Variants in NTM observed in about 807,000 individuals in gnomAD.
NTM encodes the protein IgLON family member 2.
In NTM, 13 loss-of-function variants were observed where a neutral mutation model predicts 42.1. The ratio of observed to expected loss-of-function variants is 0.31; its 90% CI spans 0.20 to 0.49. The LOEUF (loss-of-function observed/expected upper bound fraction) is 0.49. NTM is among the 20% of genes least tolerant of loss of function. NTM has a pLI of 0.99. For synonymous variants in NTM, 187 were observed against 179.2 expected (o/e 1.04, Z -0.35); for missense variants, 373 against 452.8 (o/e 0.82, Z 1.60).
intron 1 of NTM, among the ~76,000 whole-genome samples, chr11:131,532,049 G>A (rs554112878): frequency 3.3e-5 from 5 of 152,232 alleles, no homozygotes; most frequent in Admixed American, 1.3e-4. Flanking sequence ...GGTGTTTGTG[G>A]TGATTTTCAT....
chr11:131,557,055 C>CTTTTTTTTTT (rs970811707), intron 1 of NTM, among the ~76,000 whole-genome samples: 4 of 152,060 alleles, frequency 2.6e-5, no homozygotes, highest in African/African-American at 9.6e-5. Context: ...TGATTTGTAA[C>CTTTTTTTTTT]TTTTTTTCTT....
At chr11:131,405,616 C>T (rs773473102) in intron 1 of NTM, among the ~76,000 whole-genome samples, 1 of 152,188 alleles carries the variant, frequency 6.6e-6, no homozygotes, top group Non-Finnish European at 1.5e-5. Context: ...GTGGGTTTTG[C>T]TGCCTGCTCA....
chr11:131,928,266 G>A (rs926461980), intron 2 of NTM, among the ~76,000 whole-genome samples: 5 of 152,124 alleles, frequency 3.3e-5, no homozygotes, highest in African/African-American at 4.8e-5. Flanking sequence ...AATACTTATC[G>A]TAAGTATTTT....
chr11:132,303,190 C>A (rs1288498512), intron 4 of NTM, among the ~76,000 whole-genome samples: 1 of 152,206 alleles, frequency 6.6e-6, no homozygotes. Flanking sequence ...GTATTAGTGT[C>A]CCAGGACTAC....
At chr11:131,592,134 T>C (rs2059418257) in intron 1 of NTM, among the ~76,000 whole-genome samples, 1 of 152,198 alleles carries the variant, frequency 6.6e-6, no homozygotes, top group African/African-American at 2.4e-5. Context: ...CTCACCCCAC[T>C]TAATCCTATT....
chr11:132,331,741 T>C (rs1241051338), intron 8 of NTM, among the ~76,000 whole-genome samples: 2 of 152,192 alleles, frequency 1.3e-5, no homozygotes, highest in African/African-American at 2.4e-5. Flanking sequence ...TGTATGGCAC[T>C]GAGCAAGGCA....
At chr11:131,789,855 C>T (rs963921473) in intron 1 of NTM, among the ~76,000 whole-genome samples, 3 of 145,470 alleles carry the variant, frequency 2.1e-5, no homozygotes, top group Admixed American at 7.0e-5. Flanking sequence ...ACACGGGAGG[C>T]TGAGGCAGGA....
chr11:131,584,358 G>A (rs2058673608), intron 1 of NTM, among the ~76,000 whole-genome samples: 1 of 152,162 alleles, frequency 6.6e-6, no homozygotes, highest in African/African-American at 2.4e-5. Context: ...GGATCGCAGA[G>A]CAATTTACGA....
intron 1 of NTM, among the ~76,000 whole-genome samples, chr11:131,387,410 T>C (rs1406146333): frequency 1.3e-5 from 2 of 152,120 alleles, no homozygotes; most frequent in Non-Finnish European, 2.9e-5. Context: ...CACAGCTCCA[T>C]ACCTTTGCAG....
At chr11:131,911,679 T>C (rs774320094) in intron 2 of NTM, 31 bp downstream of exon 2, 5 of 1,613,104 alleles carry the variant, frequency 3.1e-6, no homozygotes, top group African/African-American at 1.3e-5. Flanking sequence ...TGCGAACTGA[T>C]GGTTTGTATG....
At chr11:131,781,835 G>T (rs1030866482) in intron 1 of NTM, among the ~76,000 whole-genome samples, 2 of 152,188 alleles carry the variant, frequency 1.3e-5, no homozygotes, top group African/African-American at 2.4e-5. Context: ...TCATTATCTT[G>T]CTGAGTTAAA....
intron 2 of NTM, among the ~76,000 whole-genome samples, chr11:131,959,704 C>T (rs536142393): frequency 6.6e-6 from 1 of 152,136 alleles, no homozygotes; most frequent in East Asian, 1.9e-4. Flanking sequence ...TCTGACTGAT[C>T]AAGGTTGGTA....
rs1440708145 is a variant in NTM at position 131,874,029 on chromosome 11, TAATATA to T, written c.83-37534_83-37529del. Among the ~76,000 whole-genome samples, 108 of 50,952 alleles carry T rather than the reference TAATATA, an allele frequency of 2.1e-3. 9 individuals are homozygous for T. The Middle Eastern group carries it at 0.033, about 16-fold the overall frequency. The allele number at this position is 50,952 out of a possible 152,430, so 33.4% of individuals were successfully genotyped here. A position where few individuals can be genotyped will look rare whatever the true frequency, so the allele number is the denominator to read the frequency against. ...TATAATATATTTATATAATATAATATAATATATATATATATATATATATATATATAT... is the reference window on the plus strand; with the variant it reads ...TATAATATATTTATATAATATAATATTATATATATATATATATATATATAT... On this transcript the variant is annotated intron_variant, in intron 1 of 8. Coordinates refer to ENST00000683400, the MANE Select transcript of NTM (RefSeq NM_001352005.2).
chr11:131,885,320 T>C (rs1200188872), intron 1 of NTM, among the ~76,000 whole-genome samples: 1 of 152,204 alleles, frequency 6.6e-6, no homozygotes, highest in Non-Finnish European at 1.5e-5. Flanking sequence ...CCGGCATATC[T>C]GTGAGAACCA....
At chr11:131,830,669 T>C (rs1385375781) in intron 1 of NTM, among the ~76,000 whole-genome samples, 1 of 152,222 alleles carries the variant, frequency 6.6e-6, no homozygotes, top group African/African-American at 2.4e-5. Context: ...TTTGGTTCCA[T>C]GTGAATTTTA....
chr11:131,380,164 T>G (rs1378416905), intron 1 of NTM, among the ~76,000 whole-genome samples: 1 of 152,088 alleles, frequency 6.6e-6, no homozygotes, highest in Admixed American at 6.6e-5. Flanking sequence ...GAAAATGCTT[T>G]TGATATTTTC....
chr11:132,306,161 CTTG>C (rs1372450722), intron 4 of NTM: 7 of 152,152 alleles, frequency 4.6e-5, no homozygotes, highest in Admixed American at 1.3e-4. Context: ...AGACCATGGT[CTTG>C]TTGTTGTTGC....
At chr11:131,749,712 C>T (rs2082248125) in intron 1 of NTM, among the ~76,000 whole-genome samples, 1 of 152,184 alleles carries the variant, frequency 6.6e-6, no homozygotes, top group Non-Finnish European at 1.5e-5. Flanking sequence ...GATTCTCCTG[C>T]TTCAGCCTCC....
intron 2 of NTM, among the ~76,000 whole-genome samples, chr11:131,974,744 T>G (rs1294673822): frequency 3.9e-5 from 6 of 152,208 alleles, no homozygotes; most frequent in Non-Finnish European, 8.8e-5. Flanking sequence ...CTCATAGAGT[T>G]ATTGTGAAAA....
Sources: gnomAD v4.1 joint callset for allele counts (sites outside exome capture counted in the v4.1 genomes callset) on GRCh38, gnomAD v4.1.1 for gene constraint, MANE v1.5 for transcripts, NCBI Gene and HGNC (gene_info 2026-07-23, HGNC 2026-07-21) for gene names.